The following OLFML2B variants were observed in gnomAD, a reference collection of about 807,000 sequenced individuals.
OLFML2B encodes olfactomedin like 2B, also known as olfactomedin-like protein 2B.
A neutral mutation model predicts 74.9 loss-of-function variants in OLFML2B; 57 were observed. That is an observed-to-expected ratio of 0.76 (90% CI 0.61 to 0.95). The LOEUF is 0.95. Among genes scored for constraint, OLFML2B ranks in the 40% least tolerant of loss-of-function variants. The pLI is 0.00. For synonymous variants in OLFML2B, 388 were observed against 405.8 expected (o/e 0.96, Z 0.53); for missense variants, 986 against 970.6 (o/e 1.02, Z -0.21).
In OLFML2B at chr1:162,023,699, G is replaced by T. The variant is rs1558072263; in HGVS notation, c.-269C>A. On this transcript the variant is annotated 5_prime_UTR_variant, in exon 1 of 8. Transcript: ENST00000294794. ...GGGGATGACGGAGAAGGTGGAGGCG[G>T]GCACGGGCTAGCTGAGCGAGTCGCC... The T allele has an allele frequency of 7.3e-6, 2 of 275,296 alleles. No homozygotes were observed. The highest frequency in any genetic ancestry group is 1.3e-5 in the Non-Finnish European group (2 of 148,206). 17.1% of individuals were successfully genotyped at this position (275,296 alleles called of 1,614,324 possible).
In OLFML2B at chr1:162,019,819, C is replaced by A. The variant is rs893347418; in HGVS notation, c.438+100G>T. On this transcript the variant is annotated intron_variant, in intron 2 of 7. Transcript: ENST00000294794. ...CAGCACTCTAGGGAACAGGCCTGAC[C>A]TTCTTCAAAGGGCTTAGAATCTTCA... The A allele has an allele frequency of 2.8e-6, 4 of 1,445,704 alleles. No homozygotes were observed. In the African/African-American group the frequency reaches 4.2e-5, roughly 15 times the overall value. 89.6% of individuals were successfully genotyped at this position (1,445,704 alleles called of 1,614,324 possible).
chr1:162,003,908 GC>G (rs1690149121), intron 4 of OLFML2B, among the ~76,000 whole-genome samples: 1 of 152,176 alleles, frequency 6.6e-6, no homozygotes, highest in South Asian at 2.1e-4. Context: ...TCCCCTTTCT[GC>G]CCCACCACCC....
intron 5 of OLFML2B, 25 bp downstream of exon 5, chr1:162,000,088 G>C: frequency 6.5e-7 from 1 of 1,544,586 alleles, no homozygotes; most frequent in Non-Finnish European, 8.8e-7. Context: ...CTGCCTCTGG[G>C]GCGGCCCTGT....
At chr1:161,996,929 G>C (rs999620772) in intron 6 of OLFML2B, among the ~76,000 whole-genome samples, 4 of 152,276 alleles carry the variant, frequency 2.6e-5, no homozygotes, top group South Asian at 4.2e-4. Flanking sequence ...AGGCCGAGGT[G>C]GGGGGATCAC....
At chr1:161,992,970 A>G (rs1276533052) in intron 6 of OLFML2B, among the ~76,000 whole-genome samples, 1 of 151,698 alleles carries the variant, frequency 6.6e-6, no homozygotes, top group Admixed American at 6.6e-5. Context: ...GTCTGTAAAA[A>G]AATGCACTCT....
intron 6 of OLFML2B, among the ~76,000 whole-genome samples, chr1:161,987,366 GA>G (rs1416108352): frequency 6.6e-6 from 1 of 152,174 alleles, no homozygotes; most frequent in Non-Finnish European, 1.5e-5. Flanking sequence ...GAGATGGGGA[GA>G]CTATACTGGA....
intron 2 of OLFML2B, 109 bp from the exon 3 acceptor site, chr1:162,017,616 G>A (rs936804741): frequency 3.9e-5 from 28 of 713,126 alleles, no homozygotes; most frequent in Non-Finnish European, 6.0e-5. Context: ...CACTAGCCAG[G>A]AATTGAGAGG....
At chr1:161,986,783 C>T (rs1053154950) in intron 6 of OLFML2B, among the ~76,000 whole-genome samples, 4 of 152,226 alleles carry the variant, frequency 2.6e-5, no homozygotes, top group African/African-American at 4.8e-5. Context: ...TTGCCATCAC[C>T]GGGCAATCCT....
chr1:161,995,377 C>T (rs1689863999), intron 6 of OLFML2B, among the ~76,000 whole-genome samples: 1 of 152,206 alleles, frequency 6.6e-6, no homozygotes, highest in African/African-American at 2.4e-5. Flanking sequence ...TTAAGCAAAC[C>T]TTACATCGTC....
chr1:161,985,018 C>A, intron 6 of OLFML2B, 38 bp from the exon 7 acceptor site: 1 of 1,571,082 alleles, frequency 6.4e-7, no homozygotes, highest in South Asian at 1.2e-5. Context: ...TTGGGCTGAT[C>A]TAGTGATGCC....
intron 2 of OLFML2B, 71 bp from the exon 3 acceptor site, chr1:162,017,578 C>T: frequency 7.9e-6 from 9 of 1,139,592 alleles, no homozygotes; most frequent in African/African-American, 1.6e-5. Flanking sequence ...CCTTTCAGAT[C>T]TGCATACTGG....
chr1:162,018,958 C>T (rs924697158), intron 2 of OLFML2B, among the ~76,000 whole-genome samples: 1 of 152,156 alleles, frequency 6.6e-6, no homozygotes, highest in African/African-American at 2.4e-5. Flanking sequence ...TCCAGAATTC[C>T]CCCAGAGTCT....
chr1:161,997,733 A>C, intron 6 of OLFML2B, 92 bp downstream of exon 6: 1 of 1,383,036 alleles, frequency 7.2e-7, no homozygotes, highest in Non-Finnish European at 9.9e-7. Context: ...AACTTTGACC[A>C]TCTGGTGCCT....
At chr1:161,996,003 C>A (rs944599453) in intron 6 of OLFML2B, among the ~76,000 whole-genome samples, 14 of 152,142 alleles carry the variant, frequency 9.2e-5, no homozygotes, top group African/African-American at 2.7e-4. Flanking sequence ...AGGCAGTCTG[C>A]AGAAACACAG....
chr1:161,991,021 G>A (rs1689727096), intron 6 of OLFML2B, among the ~76,000 whole-genome samples: 1 of 152,132 alleles, frequency 6.6e-6, no homozygotes, highest in Admixed American at 6.6e-5. Context: ...CCATCTTCAG[G>A]CTCCACTTCT....
At chr1:162,002,958 T>C (rs1690121906) in intron 4 of OLFML2B, among the ~76,000 whole-genome samples, 1 of 152,192 alleles carries the variant, frequency 6.6e-6, no homozygotes, top group South Asian at 2.1e-4. Context: ...ATGGGGAAGG[T>C]AGATACCATT....
At chr1:162,005,222 G>T (rs1381928914) in intron 4 of OLFML2B, among the ~76,000 whole-genome samples, 1 of 152,234 alleles carries the variant, frequency 6.6e-6, no homozygotes, top group East Asian at 1.9e-4. Flanking sequence ...AAAAGAAACA[G>T]GCACCAAATG....
chr1:161,984,189 G>A lies in OLFML2B; in HGVS notation c.1739C>T (p.Ala580Val). Residue 580 changes from alanine to valine, a missense_variant, in exon 8 of 8, where the codon GCC becomes GTC. Physicochemically the swap from Ala to Val is moderately conservative, Grantham distance 64. Transcript: ENST00000294794. ...GTACTTGATGATGTTGCGGGTGAAG[G>A]CGCGATTGTAGTAGAAGGCGCCATT... ...VYNGAFYYNR[A>V]FTRNIIKYDL... The A allele has an allele frequency of 6.3e-7, 1 of 1,597,356 alleles. No homozygotes were observed. The highest frequency in any genetic ancestry group is 8.5e-7 in the Non-Finnish European group (1 of 1,171,734).
At chr1:161,992,326 G>T (rs1030158713) in intron 6 of OLFML2B, among the ~76,000 whole-genome samples, 1 of 152,240 alleles carries the variant, frequency 6.6e-6, no homozygotes, top group East Asian at 1.9e-4. Context: ...TTGCTTAAGG[G>T]AATGTCGTGG....
Sources: allele counts gnomAD v4.1 joint callset (sites outside exome capture counted in the v4.1 genomes callset), GRCh38; gene constraint gnomAD v4.1.1; transcripts MANE v1.5; gene names NCBI Gene and HGNC (gene_info 2026-07-23, HGNC 2026-07-21).